CACNA1E: variants seen among roughly 807,000 people sequenced by gnomAD.
CACNA1E encodes the protein voltage-dependent R-type calcium channel subunit alpha-1E.
In CACNA1E, 40 loss-of-function variants were observed where a neutral mutation model predicts 259.2. The observed-to-expected ratio is 0.15, with a 90% CI of 0.12 to 0.20. CACNA1E has a LOEUF of 0.20. Among genes scored for constraint, CACNA1E ranks in the 10% least tolerant of loss-of-function variants. The pLI, the probability that CACNA1E is intolerant of heterozygous loss-of-function variation, is 1.00. For synonymous variants in CACNA1E, 1,104 were observed against 1,138.5 expected (o/e 0.97, Z 0.61); for missense variants, 1,874 against 3,040.1 (o/e 0.62, Z 9.02).
Position 181,711,065 on chromosome 1 carries a change from A to C in CACNA1E, c.1167A>C (p.Lys389Asn). Residue 389 changes from lysine (K) to asparagine (N), a missense_variant, in exon 8 of 48, where the codon AAA (lysine) becomes AAC (asparagine). Physicochemically the swap from Lys to Asn is moderately conservative, Grantham distance 94. This residue lies in a region of CACNA1E where 157 missense variants were observed against 203.5 expected (regional missense o/e 0.77). Transcript: ENST00000367573. ...ATGGCTACCGTGCCTGGATAGACAA[A>C]GCAGGTAGGCCTGGGGGGCTGCAGG... ...ELNGYRAWID[K>N]AEEVMLAEEN... 1 of 1,610,628 alleles carries C rather than the reference A, an allele frequency of 6.2e-7. No individual in the cohort carries two copies. Among genetic ancestry groups the C allele is most frequent in the Non-Finnish European group, 8.5e-7 (1 of 1,176,920 alleles).
intron 1 of CACNA1E, among the ~76,000 whole-genome samples, chr1:181,376,880 C>A (rs1392650351): frequency 1.6e-4 from 24 of 152,120 alleles, no homozygotes; most frequent in East Asian, 3.9e-4. Context: ...CTTCTGTACC[C>A]CTGAGGCTGT....
intron 18 of CACNA1E, among the ~76,000 whole-genome samples, chr1:181,729,395 G>A (rs1655253122): frequency 6.6e-6 from 1 of 152,230 alleles, no homozygotes; most frequent in African/African-American, 2.4e-5. Flanking sequence ...TGCCCTGCTT[G>A]GGTGTTAAGG....
chr1:181,325,777 C>G (rs7542284), intron 1 of CACNA1E, among the ~76,000 whole-genome samples: 2,009 of 152,236 alleles, frequency 0.013, 54 homozygotes, highest in African/African-American at 0.046. Context: ...ACTGTCCATC[C>G]GGAATTAAAT....
chr1:181,515,253 G>A (rs527717579), intron 3 of CACNA1E, among the ~76,000 whole-genome samples: 14 of 152,296 alleles, frequency 9.2e-5, no homozygotes, highest in African/African-American at 2.9e-4. Context: ...GGGGCCCAAT[G>A]TGTCCATCCT....
rs1660846477 is a variant in CACNA1E at position 181,786,370 on chromosome 1, GACTA to G, written c.5786+555_5786+558del. On this transcript the variant is annotated intron_variant, in intron 43 of 47. Coordinates refer to ENST00000367573, the MANE Select transcript of CACNA1E (RefSeq NM_001205293.3). The stretch of plus-strand genomic sequence containing the variant: ...CCACTTTACACATGAAGAAACTGGA[GACTA>G]ACTGAGGTTAACTACGTTGCCTAAA... Among the ~76,000 whole-genome samples the G allele has an allele frequency of 1.3e-5, 2 of 152,182 alleles. 1 individual carries two copies. The highest frequency in any genetic ancestry group is 4.1e-4 in the South Asian group (2 of 4,824).
At chr1:181,666,926 C>T (rs1648292497) in intron 7 of CACNA1E, among the ~76,000 whole-genome samples, 1 of 152,138 alleles carries the variant, frequency 6.6e-6, no homozygotes, top group South Asian at 2.1e-4. Flanking sequence ...GGAGCTAGTA[C>T]ATGCATTTTA....
intron 6 of CACNA1E, among the ~76,000 whole-genome samples, chr1:181,590,206 G>A (rs16857754): frequency 0.08 from 12,186 of 151,824 alleles, 605 homozygotes; most frequent in South Asian, 0.21. Flanking sequence ...AGAGAGGGAA[G>A]GATTGAACAG....
chr1:181,791,987 A>G (rs1435509591), intron 44 of CACNA1E, among the ~76,000 whole-genome samples: 1 of 152,200 alleles, frequency 6.6e-6, no homozygotes, highest in Non-Finnish European at 1.5e-5. Flanking sequence ...GGAGACAGTT[A>G]GTCCAGACGC....
chr1:181,420,414 A>G (rs554635426), intron 2 of CACNA1E, among the ~76,000 whole-genome samples: 4 of 152,300 alleles, frequency 2.6e-5, no homozygotes, highest in African/African-American at 9.6e-5. Context: ...TTGTGTACTA[A>G]GTTTTATAAC....
intron 1 of CACNA1E, among the ~76,000 whole-genome samples, chr1:181,372,401 A>T (rs1348375936): frequency 6.6e-6 from 1 of 151,908 alleles, no homozygotes; most frequent in African/African-American, 2.4e-5. Context: ...CTCAGCTTGG[A>T]TGTTATTGGT....
Position 181,510,458 on chromosome 1 carries a change from C to A in CACNA1E, c.267-19C>A. The A allele has an allele frequency of 6.3e-7, 1 of 1,587,064 alleles. No individual in the cohort carries two copies. Among genetic ancestry groups the A allele is most frequent in the Non-Finnish European group, 8.7e-7 (1 of 1,155,544 alleles). On this transcript the variant is annotated intron_variant, in intron 1 of 47. Transcript: ENST00000367573. ...GTGTCCCTCTCTGGTGAATTTGTTCCTTAACTCCGCTTTCCCACGCCATTT... is the reference window on the plus strand; with the variant it reads ...GTGTCCCTCTCTGGTGAATTTGTTCATTAACTCCGCTTTCCCACGCCATTT...
At chr1:181,494,968 G>T (rs546279928) in intron 1 of CACNA1E, among the ~76,000 whole-genome samples, 3 of 152,248 alleles carry the variant, frequency 2.0e-5, no homozygotes, top group Admixed American at 2.0e-4. Flanking sequence ...TCTGTATTTT[G>T]TCTGTAAAAA....
In CACNA1E at chr1:181,441,297, G is replaced by A. The variant is rs886988941; in HGVS notation, c.434+27717G>A. Among the ~76,000 whole-genome samples the A allele has an allele frequency of 3.9e-5, 6 of 152,134 alleles. No individual in the cohort carries two copies. In the East Asian group the frequency reaches 5.8e-4, roughly 15 times the overall value. On this transcript the variant is annotated intron_variant, in intron 2 of 11. Coordinates refer to the CACNA1E transcript ENST00000524607. ...GTCCAGAGTACCTGGGACTACAAGCGCCTGCCACCACACCCAGCTAATTTT... is the reference window on the plus strand; with the variant it reads ...GTCCAGAGTACCTGGGACTACAAGCACCTGCCACCACACCCAGCTAATTTT...
intron 6 of CACNA1E, among the ~76,000 whole-genome samples, chr1:181,584,017 C>T (rs78675909): frequency 6.6e-5 from 10 of 152,140 alleles, no homozygotes; most frequent in East Asian, 3.9e-4. Flanking sequence ...TACTGTGGCT[C>T]GCTAACCCTC....
chr1:181,621,697 T>G (rs1655731197), intron 6 of CACNA1E, among the ~76,000 whole-genome samples: 1 of 152,242 alleles, frequency 6.6e-6, no homozygotes, highest in South Asian at 2.1e-4. Flanking sequence ...AGCTCCTTAA[T>G]GGCTTAAAGC....
chr1:181,564,851 T>G (rs1438870390), intron 3 of CACNA1E, among the ~76,000 whole-genome samples: 2 of 152,174 alleles, frequency 1.3e-5, no homozygotes, highest in Admixed American at 6.5e-5. Context: ...GTGCTCTTGG[T>G]ACACTGTCAA....
At chr1:181,325,305 C>G (rs1650681755) in intron 1 of CACNA1E, among the ~76,000 whole-genome samples, 2 of 152,198 alleles carry the variant, frequency 1.3e-5, no homozygotes, top group African/African-American at 4.8e-5. Flanking sequence ...TATCATGCTT[C>G]CTGCCCTTAG....
chr1:181,520,026 G>A (rs1189216128), intron 3 of CACNA1E, among the ~76,000 whole-genome samples: 1 of 152,180 alleles, frequency 6.6e-6, no homozygotes, highest in Non-Finnish European at 1.5e-5. Context: ...TTCATGACAA[G>A]CAAAGAGGAT....
At chr1:181,457,638 T>C (rs1035572266) in intron 2 of CACNA1E, among the ~76,000 whole-genome samples, 4 of 152,154 alleles carry the variant, frequency 2.6e-5, no homozygotes, top group African/African-American at 9.7e-5. Context: ...AGCCATAGCT[T>C]CTCCCTACCT....
Sources: allele counts gnomAD v4.1 joint callset (sites outside exome capture counted in the v4.1 genomes callset), GRCh38; gene constraint gnomAD v4.1.1; regional missense constraint gnomAD v4.1.1; transcripts MANE v1.5; gene names NCBI Gene and HGNC (gene_info 2026-07-23, HGNC 2026-07-21).